Variants in CCNB3 observed in about 807,000 individuals in gnomAD.
CCNB3 encodes cyclin B3.
CCNB3 carries 12 observed loss-of-function variants against 68.0 expected under a neutral mutation model. That is an observed-to-expected ratio of 0.18 (90% CI 0.11 to 0.29). CCNB3 has a LOEUF of 0.29. Among genes scored for constraint, CCNB3 ranks in the 10% least tolerant of loss-of-function variants. The pLI is 1.00. For missense variants in CCNB3, 904 were observed against 993.1 expected, an observed-to-expected ratio of 0.91 and a Z score of 1.21; for synonymous variants, 354 against 388.9, an observed-to-expected ratio of 0.91 and a Z score of 1.06.
intron 9 of CCNB3, among the ~76,000 whole-genome samples, chrX:50,342,632 A>G (rs1923197433): frequency 9.0e-6 from 1 of 111,248 alleles, no homozygotes; most frequent in Admixed American, 9.5e-5. Flanking sequence ...AGCACATACA[A>G]TTACGTACAG....
intron 1 of CCNB3, among the ~76,000 whole-genome samples, chrX:50,282,085 T>G (rs186080755): frequency 8.9e-6 from 1 of 112,005 alleles, no homozygotes; most frequent in Non-Finnish European, 1.9e-5. Flanking sequence ...TTTGATTTGA[T>G]AGGTCTAGTT....
chrX:50,328,620 A>G (rs1348948608), intron 8 of CCNB3, among the ~76,000 whole-genome samples: 1 of 111,248 alleles, frequency 9.0e-6, no homozygotes. Flanking sequence ...TCCAAACTAT[A>G]TCATTTCACC....
rs1361679034 is a variant in CCNB3, at chrX:50,285,216, A to G, written c.53A>G (p.Gln18Arg). The G allele has an allele frequency of 1.7e-6, 2 of 1,208,098 alleles. No individual in the cohort carries two copies. The highest frequency in any genetic ancestry group is 3.5e-5 in the South Asian group (2 of 56,724). Residue 18 changes from glutamine (Q) to arginine (R), a missense_variant, in exon 3 of 13, where the codon CAG becomes CGG. Transcript: ENST00000376042. The stretch of plus-strand genomic sequence containing the variant: ...TCCAAACCTGTGCCTAAGAAATCTC[A>G]GTCCAGCAAAATTGTGCCCAGTCAT... ...QSSKPVPKKS[Q>R]SSKIVPSHHD...
In CCNB3 at chrX:50,294,993, G is replaced by C. The variant is rs1557210673; in HGVS notation, c.335G>C (p.Trp112Ser). ...AAAAAGAATAAGCGGAATCTAAAAT[G>C]GTGAGTGAAAGGGGACTCAGATGGC... ...LAKKNKRNLKWHKLEVTPVVA... is the reference protein window; with the variant it reads ...LAKKNKRNLKSHKLEVTPVVA... Residue 112 changes from tryptophan (W) to serine (S), a missense_variant and splice_region_variant, in exon 5 of 13, where the codon TGG (tryptophan) becomes TCG (serine). Coordinates refer to ENST00000376042, the MANE Select transcript of CCNB3 (RefSeq NM_033031.3). The C allele has an allele frequency of 3.3e-6, 4 of 1,203,244 alleles. No homozygotes were observed. The Admixed American group carries it at 8.9e-5, about 27-fold the overall frequency.
At chrX:50,335,737 T>G (rs1922818763) in intron 8 of CCNB3, among the ~76,000 whole-genome samples, 1 of 111,384 alleles carries the variant, frequency 9.0e-6, no homozygotes, top group South Asian at 3.8e-4. Flanking sequence ...AAGTCTCCAT[T>G]CTTTTTCCCT....
chrX:50,315,542 G>A (rs1421732234), intron 8 of CCNB3, among the ~76,000 whole-genome samples: 2 of 111,626 alleles, frequency 1.8e-5, no homozygotes, highest in Non-Finnish European at 3.8e-5. Flanking sequence ...ATAGTGTCAT[G>A]GTCAGGAAAT....
intron 5 of CCNB3, among the ~76,000 whole-genome samples, chrX:50,303,059 G>A (rs1557212974): frequency 2.7e-5 from 3 of 111,146 alleles, no homozygotes; most frequent in Admixed American, 9.5e-5. Context: ...TAGTGGCTAC[G>A]CCATTTTACA....
At chrX:50,288,262 T>G (rs1936276381) in intron 3 of CCNB3, among the ~76,000 whole-genome samples, 1 of 110,401 alleles carries the variant, frequency 9.1e-6, no homozygotes, top group African/African-American at 3.3e-5. Context: ...CCAAAAAGGT[T>G]AGGGACCGCT....
intron 1 of CCNB3, among the ~76,000 whole-genome samples, chrX:50,226,050 T>A (rs1935755463): frequency 4.6e-5 from 4 of 87,893 alleles, no homozygotes; most frequent in African/African-American, 1.6e-4. Flanking sequence ...TATATACAAA[T>A]ATATATAGAA....
intron 8 of CCNB3, among the ~76,000 whole-genome samples, chrX:50,320,442 G>GATACTGGTA (rs1197293941): frequency 9.1e-6 from 1 of 110,042 alleles, no homozygotes; most frequent in African/African-American, 3.3e-5. Flanking sequence ...TTTCATTCCT[G>GATACTGGTA]ATACTGGTAA....
chrX:50,316,214 T>A (rs1557215741), intron 8 of CCNB3, among the ~76,000 whole-genome samples: 2 of 111,543 alleles, frequency 1.8e-5, no homozygotes. Flanking sequence ...AAGATGTGGC[T>A]TTGTTCCTCC....
chrX:50,227,487 AAT>A (rs1206078068), intron 1 of CCNB3, among the ~76,000 whole-genome samples: 115 of 87,380 alleles, frequency 1.3e-3, no homozygotes, highest in Non-Finnish European at 2.2e-3. Context: ...ATATAGACAG[AAT>A]ATATATATAT....
intron 4 of CCNB3, among the ~76,000 whole-genome samples, chrX:50,290,822 G>A (rs1444746270): frequency 2.7e-5 from 3 of 111,380 alleles, no homozygotes; most frequent in Admixed American, 9.6e-5. Flanking sequence ...CCCATTTACC[G>A]TTTGCGCTCA....
chrX:50,226,632 C>CTATAAATATATATATAGAATATATA (rs1935825790), intron 1 of CCNB3, among the ~76,000 whole-genome samples: 2 of 22,168 alleles, frequency 9.0e-5, no homozygotes, highest in African/African-American at 3.3e-4. Flanking sequence ...TAGAATATAT[C>CTATAAATATATATATAGAATATATA]TATAAATATA....
At chrX:50,223,509 A>T (rs1935705754) in intron 1 of CCNB3, among the ~76,000 whole-genome samples, 2 of 111,933 alleles carry the variant, frequency 1.8e-5, no homozygotes, top group Non-Finnish European at 3.8e-5. Flanking sequence ...TTTTCCTTCT[A>T]ACAGTCAGGC....
At chrX:50,226,148 A>C (rs1231999672) in intron 1 of CCNB3, among the ~76,000 whole-genome samples, 3 of 75,557 alleles carry the variant, frequency 4.0e-5, no homozygotes, top group Non-Finnish European at 7.0e-5. Context: ...TATATATTCT[A>C]TATATATGAA....
At chrX:50,311,869 G>A (rs1440877834) in intron 6 of CCNB3, among the ~76,000 whole-genome samples, 2 of 110,751 alleles carry the variant, frequency 1.8e-5, no homozygotes, top group Non-Finnish European at 3.8e-5. Context: ...ATAGATCTAA[G>A]CAATCAGAAA....
At chrX:50,340,539 G>T (rs1438736098) in intron 8 of CCNB3, among the ~76,000 whole-genome samples, 7 of 112,462 alleles carry the variant, frequency 6.2e-5, no homozygotes, top group African/African-American at 1.9e-4. Flanking sequence ...TCTAGCCAAG[G>T]CTGAAACCAC....
At chrX:50,213,569 A>G (rs1301589411) in intron 1 of CCNB3, among the ~76,000 whole-genome samples, 33 of 111,842 alleles carry the variant, frequency 3.0e-4, no homozygotes, top group African/African-American at 1.0e-3. Flanking sequence ...TGGAAGAGAC[A>G]TATGTAGAAT....
Sources: gnomAD v4.1 joint callset for allele counts (sites outside exome capture counted in the v4.1 genomes callset) on GRCh38, gnomAD v4.1.1 for gene constraint, MANE v1.5 for transcripts, NCBI Gene and HGNC (gene_info 2026-07-23, HGNC 2026-07-21) for gene names.